The following EEPD1 variants were observed in gnomAD, a reference collection of about 807,000 sequenced individuals.
EEPD1 encodes the protein endonuclease/exonuclease/phosphatase family domain containing 1, also known as endonuclease/exonuclease/phosphatase family domain-containing protein 1.
EEPD1 carries 17 observed loss-of-function variants against 46.3 expected under a neutral mutation model. The ratio of observed to expected loss-of-function variants is 0.37; its 90% CI spans 0.25 to 0.55. The LOEUF is 0.55. Ranked by LOEUF, EEPD1 falls within the 20% of genes least tolerant of loss-of-function variation. The probability of loss-of-function intolerance (pLI) is 0.83; values close to 1 mark genes in which losing one functional copy is unlikely to be tolerated. For missense variants in EEPD1, 673 were observed against 745.6 expected (o/e 0.90, Z 1.13); for synonymous variants, 313 against 315.6 (o/e 0.99, Z 0.09).
chr7:36,251,661 T>C (rs920563336), intron 3 of EEPD1, among the ~76,000 whole-genome samples: 3 of 152,126 alleles, frequency 2.0e-5, no homozygotes, highest in Non-Finnish European at 4.4e-5. Context: ...CAGCCAACCT[T>C]CATCCCTCCT....
intron 2 of EEPD1, among the ~76,000 whole-genome samples, chr7:36,170,859 A>T (rs551013270): frequency 1.3e-5 from 2 of 152,216 alleles, no homozygotes; most frequent in South Asian, 4.1e-4. Flanking sequence ...GTCTCCTTCC[A>T]TCTTATCTTC....
chr7:36,174,456 G>A (rs1785142590), intron 2 of EEPD1, among the ~76,000 whole-genome samples: 1 of 152,192 alleles, frequency 6.6e-6, no homozygotes, highest in Admixed American at 6.5e-5. Flanking sequence ...GAATGCTAGT[G>A]CATAAAGCAT....
intron 2 of EEPD1, among the ~76,000 whole-genome samples, chr7:36,165,707 G>A (rs1784972226): frequency 6.6e-6 from 1 of 151,794 alleles, no homozygotes; most frequent in African/African-American, 2.4e-5. Flanking sequence ...AAAGTGCTGG[G>A]ATTACAGGCG....
intron 2 of EEPD1, among the ~76,000 whole-genome samples, chr7:36,237,068 G>C (rs532065333): frequency 3.3e-5 from 5 of 152,262 alleles, no homozygotes; most frequent in African/African-American, 9.6e-5. Flanking sequence ...AAGTCAGGGA[G>C]ACCACCAACC....
intron 3 of EEPD1, among the ~76,000 whole-genome samples, chr7:36,253,047 A>G (rs760141226): frequency 2.6e-5 from 4 of 151,008 alleles, no homozygotes; most frequent in Non-Finnish European, 5.9e-5. Flanking sequence ...CTTAAGGTGG[A>G]AGCTTAGGTT....
At chr7:36,242,261 TGCTGC>T (rs1786566645) in intron 3 of EEPD1, among the ~76,000 whole-genome samples, 1 of 152,236 alleles carries the variant, frequency 6.6e-6, no homozygotes, top group Non-Finnish European at 1.5e-5. Flanking sequence ...AAGAGTTAGC[TGCTGC>T]CCATGTTCTT....
intron 3 of EEPD1, among the ~76,000 whole-genome samples, chr7:36,258,698 G>A (rs529515295): frequency 2.4e-4 from 37 of 152,212 alleles, no homozygotes; most frequent in African/African-American, 8.7e-4. Flanking sequence ...ATCCCAGGTC[G>A]ACTTCAGACT....
At chr7:36,295,228 TGTC>T (rs994179126) in intron 6 of EEPD1, among the ~76,000 whole-genome samples, 3 of 151,732 alleles carry the variant, frequency 2.0e-5, no homozygotes, top group African/African-American at 7.3e-5. Context: ...TGGAGCATCT[TGTC>T]GTGTCAGAAG....
Position 36,288,698 on chromosome 7 carries a change from G to A in EEPD1, c.1315+921G>A, listed in dbSNP as rs1157290354. ...AATCACTTGAGCCCAGGAAGTCGAGGCTGCAGTGAGCTTTGATCGCACCAC... is the reference window on the plus strand; with the variant it reads ...AATCACTTGAGCCCAGGAAGTCGAGACTGCAGTGAGCTTTGATCGCACCAC... On this transcript the variant is annotated intron_variant, in intron 6 of 7. Coordinates refer to ENST00000242108, the MANE Select transcript of EEPD1 (RefSeq NM_030636.3). Among the ~76,000 whole-genome samples, 3 of 151,826 alleles carry A rather than the reference G, an allele frequency of 2.0e-5. No homozygotes were observed. The East Asian group carries it at 5.8e-4, about 29-fold the overall frequency.
intron 3 of EEPD1, among the ~76,000 whole-genome samples, chr7:36,258,723 G>A (rs1198611985): frequency 1.3e-5 from 2 of 152,108 alleles, no homozygotes; most frequent in African/African-American, 2.4e-5. Context: ...TGCTGGCAGC[G>A]AGAATTTCAA....
intron 3 of EEPD1, among the ~76,000 whole-genome samples, chr7:36,278,686 T>A (rs1787217870): frequency 6.6e-6 from 1 of 152,248 alleles, no homozygotes. Flanking sequence ...AGCAAGCGAA[T>A]GATTCCCTGG....
intron 2 of EEPD1, among the ~76,000 whole-genome samples, chr7:36,204,445 G>T (rs1032476076): frequency 2.0e-5 from 3 of 150,722 alleles, no homozygotes; most frequent in African/African-American, 7.3e-5. Context: ...AAGGAGGAGG[G>T]ACTTTTGTGT....
At chr7:36,165,045 G>T (rs565482036) in intron 2 of EEPD1, among the ~76,000 whole-genome samples, 1 of 139,704 alleles carries the variant, frequency 7.2e-6, no homozygotes, top group African/African-American at 2.7e-5. Flanking sequence ...AGTGAAGAAA[G>T]AAAAAACTTT....
chr7:36,266,643 CAT>C (rs938913414), intron 3 of EEPD1, among the ~76,000 whole-genome samples: 1 of 152,198 alleles, frequency 6.6e-6, no homozygotes, highest in African/African-American at 2.4e-5. Context: ...TTAGGAGAGT[CAT>C]ATCGTGTGCA....
At chr7:36,287,350 A>G (rs997629733) in intron 5 of EEPD1, among the ~76,000 whole-genome samples, 3 of 152,030 alleles carry the variant, frequency 2.0e-5, no homozygotes, top group Non-Finnish European at 4.4e-5. Flanking sequence ...AAAAAAACTC[A>G]AACATTTACA....
intron 2 of EEPD1, among the ~76,000 whole-genome samples, chr7:36,160,533 T>G (rs958396321): frequency 2.8e-3 from 294 of 104,402 alleles, no homozygotes; most frequent in African/African-American, 4.6e-3. Context: ...GAGTGGCGGG[T>G]GGGTGGGGCC....
At chr7:36,182,258 A>G (rs1396016544) in intron 2 of EEPD1, among the ~76,000 whole-genome samples, 1 of 152,252 alleles carries the variant, frequency 6.6e-6, no homozygotes, top group African/African-American at 2.4e-5. Context: ...AAGGTACAGA[A>G]CAATATATAT....
chr7:36,239,364 C>T (rs886379901), intron 3 of EEPD1, among the ~76,000 whole-genome samples: 14 of 151,960 alleles, frequency 9.2e-5, no homozygotes, highest in African/African-American at 3.1e-4. Context: ...TCACGCATGC[C>T]GGAGTCTGTG....
chr7:36,242,281 A>G (rs941373681), intron 3 of EEPD1, among the ~76,000 whole-genome samples: 1 of 152,056 alleles, frequency 6.6e-6, no homozygotes, highest in African/African-American at 2.4e-5. Context: ...GTTCTTTCCT[A>G]TTCCTCTTCC....
Sources: allele counts gnomAD v4.1 joint callset (sites outside exome capture counted in the v4.1 genomes callset), GRCh38; gene constraint gnomAD v4.1.1; transcripts MANE v1.5; gene names NCBI Gene and HGNC (gene_info 2026-07-23, HGNC 2026-07-21).